Variants in CRACR2A observed in about 807,000 individuals in gnomAD.
CRACR2A encodes calcium release activated channel regulator 2A, also known as EF-hand calcium-binding domain-containing protein 4B.
Under a neutral mutation model 90.5 loss-of-function variants are expected in CRACR2A, and 79 were observed. The observed-to-expected ratio is 0.87, with a 90% CI of 0.73 to 1.05. The LOEUF is 1.05. Among genes scored for constraint, CRACR2A ranks in the 50% least tolerant of loss-of-function variants. CRACR2A has a pLI of 0.00. For missense variants in CRACR2A, 823 were observed against 897.2 expected (o/e 0.92, Z 1.06); for synonymous variants, 338 against 356.7 (o/e 0.95, Z 0.59).
chr12:3,645,992 G>T (rs1944677970), intron 11 of CRACR2A, among the ~76,000 whole-genome samples: 1 of 152,222 alleles, frequency 6.6e-6, no homozygotes, highest in Non-Finnish European at 1.5e-5. Flanking sequence ...TGGGCACGGG[G>T]GTAGGGGGTG....
chr12:3,715,422 AG>A (rs1170380860), intron 2 of CRACR2A, among the ~76,000 whole-genome samples: 1 of 152,256 alleles, frequency 6.6e-6, no homozygotes, highest in African/African-American at 2.4e-5. Context: ...TGAGTCTCAA[AG>A]GGTGTATGTT....
chr12:3,742,121 G>A (rs1946536289), intron 1 of CRACR2A, among the ~76,000 whole-genome samples: 1 of 152,220 alleles, frequency 6.6e-6, no homozygotes, highest in South Asian at 2.1e-4. Flanking sequence ...CCTAGGACAT[G>A]GGCAAATCAT....
In CRACR2A at chr12:3,642,902, T is replaced by G. The variant is rs1944599836; in HGVS notation, c.1165-1064A>C. Among the ~76,000 whole-genome samples, 5 of 152,234 alleles carry G rather than the reference T, an allele frequency of 3.3e-5. No homozygotes were observed. In the South Asian group the frequency reaches 1.0e-3, roughly 31 times the overall value. ...AGTGATCCTTAATGAGAGGAGGGGC[T>G]GCAATGCTCCCAGAGCCCCTGAAGG... On this transcript the variant is annotated intron_variant, in intron 12 of 19. Coordinates refer to ENST00000440314, the MANE Select transcript of CRACR2A (RefSeq NM_001144958.2).
At position 3,713,279 on chromosome 12, in the gene CRACR2A, C is replaced by T. The variant is rs1347125219; in HGVS notation, c.-79G>A. On this transcript the variant is annotated 5_prime_UTR_variant, in exon 3 of 20. The change creates a new upstream start codon in the 5' untranslated region. Transcript: ENST00000440314. ...CTCGGAGGACCTGCAACTCTTCACACCTGGAGGGTACTTTGGCCACTGGTG... is the reference window on the plus strand; with the variant it reads ...CTCGGAGGACCTGCAACTCTTCACATCTGGAGGGTACTTTGGCCACTGGTG... 2 of 985,356 alleles carry T rather than the reference C, an allele frequency of 2.0e-6. No homozygotes were observed. Among genetic ancestry groups the T allele is most frequent in the Non-Finnish European group, 2.4e-6 (2 of 829,966 alleles). 61.0% of individuals were successfully genotyped at this position (985,356 alleles called of 1,614,324 possible). A position where few individuals can be genotyped will look rare whatever the true frequency, so the allele number is the denominator to read the frequency against.
chr12:3,723,270 C>T (rs536674132), intron 2 of CRACR2A, among the ~76,000 whole-genome samples: 8 of 152,166 alleles, frequency 5.3e-5, no homozygotes, highest in African/African-American at 1.9e-4. Context: ...ATGTGTGGAC[C>T]GCAACCAGCC....
At chr12:3,665,076 C>T (rs191398539) in intron 7 of CRACR2A, among the ~76,000 whole-genome samples, 85 of 152,348 alleles carry the variant, frequency 5.6e-4, no homozygotes, top group Admixed American at 1.1e-3. Context: ...ATTTCATTTT[C>T]TACCATCTGA....
In CRACR2A at chr12:3,659,550, G is replaced by A. The variant is rs1199943765; in HGVS notation, c.762+14C>T. On this transcript the variant is annotated intron_variant, in intron 8 of 19. Coordinates refer to ENST00000440314, the MANE Select transcript of CRACR2A (RefSeq NM_001144958.2). ...AGCTGGCCTCAGAGCCAAGCCTGGG[G>A]AGCGTACACTTACCTTCAGGAGAAA... 2 of 1,613,132 alleles carry A rather than the reference G, an allele frequency of 1.2e-6. No individual in the cohort carries two copies. Among genetic ancestry groups the A allele is most frequent in the Middle Eastern group, 1.7e-4 (1 of 6,050 alleles).
intron 1 of CRACR2A, among the ~76,000 whole-genome samples, chr12:3,736,566 G>A (rs74058314): frequency 1.1e-3 from 163 of 152,128 alleles, no homozygotes; most frequent in African/African-American, 3.8e-3. Flanking sequence ...TGAAATATAT[G>A]AGGGTTGAAG....
intron 10 of CRACR2A, among the ~76,000 whole-genome samples, chr12:3,649,617 A>C (rs1944758573): frequency 6.6e-6 from 1 of 152,218 alleles, no homozygotes; most frequent in South Asian, 2.1e-4. Flanking sequence ...TTGTGAGGAA[A>C]GGAAGAGAGA....
chr12:3,647,401 G>T (rs945938677), intron 11 of CRACR2A, among the ~76,000 whole-genome samples: 1 of 152,058 alleles, frequency 6.6e-6, no homozygotes, highest in Admixed American at 6.6e-5. Context: ...AGACCCATAA[G>T]TATTTGTAGA....
intron 3 of CRACR2A, among the ~76,000 whole-genome samples, chr12:3,710,532 A>C (rs1039210413): frequency 1.3e-5 from 2 of 152,122 alleles, no homozygotes; most frequent in Non-Finnish European, 2.9e-5. Flanking sequence ...CAGTGGCTCA[A>C]GCCTATAATT....
At chr12:3,685,017 C>T (rs1945527217) in intron 4 of CRACR2A, among the ~76,000 whole-genome samples, 1 of 152,244 alleles carries the variant, frequency 6.6e-6, no homozygotes, top group South Asian at 2.1e-4. Context: ...TATTCACCTG[C>T]CTACGGCCCC....
At chr12:3,662,709 T>C (rs16930686) in intron 7 of CRACR2A, among the ~76,000 whole-genome samples, 6,669 of 152,238 alleles carry the variant, frequency 0.044, 499 homozygotes, top group African/African-American at 0.15. Context: ...GACCAATCCA[T>C]TGGAGACCCA....
At chr12:3,615,902 G>A (rs571008845) in intron 19 of CRACR2A, among the ~76,000 whole-genome samples, 10 of 152,374 alleles carry the variant, frequency 6.6e-5, no homozygotes, top group South Asian at 4.1e-4. Context: ...CTGATGGGTC[G>A]TAACCTCTGC....
rs181562924 is a variant in CRACR2A at position 3,695,011 on chromosome 12, C to T, written c.228+1761G>A. 3.2e-4 allele frequency among the ~76,000 whole-genome samples: 48 copies of T among 152,230 alleles called. No homozygotes were observed. The East Asian group carries it at 8.5e-3, about 27-fold the overall frequency. On this transcript the variant is annotated intron_variant, in intron 4 of 19. Coordinates refer to ENST00000440314, the MANE Select transcript of CRACR2A (RefSeq NM_001144958.2). ...GACTATATTTCAAGTCAAATACAAG[C>T]GATTTCTTTAAAACTTTATACCTAG...
At chr12:3,693,377 G>C (rs535791550) in intron 4 of CRACR2A, among the ~76,000 whole-genome samples, 34 of 152,322 alleles carry the variant, frequency 2.2e-4, no homozygotes, top group Non-Finnish European at 4.3e-4. Context: ...GGGGTGCTCA[G>C]GTCAGACCAG....
chr12:3,626,209 C>A (rs1188020411), intron 17 of CRACR2A, among the ~76,000 whole-genome samples: 2 of 146,326 alleles, frequency 1.4e-5, no homozygotes, highest in African/African-American at 2.6e-5. Flanking sequence ...GACGGGTGAC[C>A]CAGACATGCA....
chr12:3,624,109 A>G (rs1944209556), intron 17 of CRACR2A, among the ~76,000 whole-genome samples: 1 of 152,192 alleles, frequency 6.6e-6, no homozygotes, highest in Non-Finnish European at 1.5e-5. Flanking sequence ...TCCCCCGAGC[A>G]TCTGTTCCCA....
chr12:3,650,745 C>T (rs1290176473), intron 10 of CRACR2A, among the ~76,000 whole-genome samples: 1 of 152,232 alleles, frequency 6.6e-6, no homozygotes, highest in South Asian at 2.1e-4. Context: ...TCTCACGGAG[C>T]GTTTTACCAA....
Sources: gnomAD v4.1 joint callset for allele counts (sites outside exome capture counted in the v4.1 genomes callset) on GRCh38, gnomAD v4.1.1 for gene constraint, MANE v1.5 for transcripts, NCBI Gene and HGNC (gene_info 2026-07-23, HGNC 2026-07-21) for gene names.